The following PTPRK variants were observed in gnomAD, a reference collection of about 807,000 sequenced individuals.
PTPRK encodes receptor-type tyrosine-protein phosphatase kappa.
Under a neutral mutation model 178.0 loss-of-function variants are expected in PTPRK, and 75 were observed. The ratio of observed to expected loss-of-function variants is 0.42; its 90% CI spans 0.35 to 0.51. The LOEUF (loss-of-function observed/expected upper bound fraction) is 0.51. PTPRK is among the 20% of genes least tolerant of loss of function. PTPRK has a pLI of 0.02. For synonymous variants in PTPRK, 637 were observed against 620.6 expected, an observed-to-expected ratio of 1.03 and a Z score of -0.39; for missense variants, 1,441 against 1,797.8, an observed-to-expected ratio of 0.80 and a Z score of 3.59.
At chr6:128,236,630 A>AATT (rs1186495952) in intron 5 of PTPRK, among the ~76,000 whole-genome samples, 2 of 152,138 alleles carry the variant, frequency 1.3e-5, no homozygotes, top group East Asian at 3.9e-4. Context: ...TACAGGCGTG[A>AATT]GCCACTGCGC....
chr6:128,284,580 T>A (rs1822173736), intron 3 of PTPRK, among the ~76,000 whole-genome samples: 1 of 152,234 alleles, frequency 6.6e-6, no homozygotes, highest in Non-Finnish European at 1.5e-5. Flanking sequence ...TCCTAAAGGT[T>A]ATTCTCTGTT....
In PTPRK at chr6:127,989,580, A is replaced by G. The variant is rs137866443; in HGVS notation, c.3096+1189T>C. ...CATGAAAGTTAACTTCTCAAAGGACATAAACATTTTAAAGCTCTGGAGATA... is the reference window on the plus strand; with the variant it reads ...CATGAAAGTTAACTTCTCAAAGGACGTAAACATTTTAAAGCTCTGGAGATA... On this transcript the variant is annotated intron_variant, in intron 21 of 29. Transcript: ENST00000368226. Among the ~76,000 whole-genome samples, 96 of 152,214 alleles carry G rather than the reference A, an allele frequency of 6.3e-4. 1 individual carries two copies. Among genetic ancestry groups the G allele is most frequent in the African/African-American group, 2.2e-3 (91 of 41,582 alleles).
At chr6:128,154,834 A>G (rs1267244305) in intron 7 of PTPRK, among the ~76,000 whole-genome samples, 2 of 151,954 alleles carry the variant, frequency 1.3e-5, no homozygotes, top group East Asian at 1.9e-4. Flanking sequence ...TTTACTTTGG[A>G]AAATATTAAA....
chr6:128,165,315 C>T (rs1799243365), intron 7 of PTPRK, among the ~76,000 whole-genome samples: 1 of 151,252 alleles, frequency 6.6e-6, no homozygotes, highest in South Asian at 2.1e-4. Flanking sequence ...TTTATTTTAT[C>T]CAACCATTAA....
intron 3 of PTPRK, among the ~76,000 whole-genome samples, chr6:128,290,974 T>C (rs1583935422): frequency 6.6e-6 from 1 of 152,176 alleles, no homozygotes; most frequent in African/African-American, 2.4e-5. Flanking sequence ...TAAAAGATAA[T>C]GTAGTAGACA....
intron 2 of PTPRK, among the ~76,000 whole-genome samples, chr6:128,343,811 T>G (rs1832019339): frequency 6.6e-6 from 1 of 152,164 alleles, no homozygotes; most frequent in African/African-American, 2.4e-5. Context: ...GCCAAAGTCC[T>G]TATATCTCCC....
intron 3 of PTPRK, among the ~76,000 whole-genome samples, chr6:128,311,585 G>A (rs1036828395): frequency 1.3e-5 from 2 of 152,096 alleles, no homozygotes; most frequent in Admixed American, 1.3e-4. Context: ...ACCTGAGACT[G>A]CTATCTATGC....
chr6:127,998,928 GA>G (rs749881021), intron 15 of PTPRK, 24 bp from the exon 16 acceptor site: 3 of 1,492,008 alleles, frequency 2.0e-6, no homozygotes, highest in Non-Finnish European at 2.7e-6. Flanking sequence ...GATTTCAGAA[GA>G]TTAAAAAAGA....
Position 128,048,370 on chromosome 6 carries a change from G to A in PTPRK, c.2194+16388C>T, listed in dbSNP as rs118052336. On this transcript the variant is annotated intron_variant, in intron 13 of 29. Coordinates refer to ENST00000368226, the MANE Select transcript of PTPRK (RefSeq NM_002844.4). Reference sequence around the variant, plus strand: ...TTAGAACATTCTAGCTCATCCCCTGGATTTGACCCACCTTCTCTGAGCAGA... The same window carrying A: ...TTAGAACATTCTAGCTCATCCCCTGAATTTGACCCACCTTCTCTGAGCAGA... Among the ~76,000 whole-genome samples, 1,297 of 152,226 alleles carry A rather than the reference G, an allele frequency of 8.5e-3. 14 individuals carry two copies. The highest frequency in any genetic ancestry group is 0.025 in the South Asian group (122 of 4,826).
At position 128,422,676 on chromosome 6, in the gene PTPRK, C is replaced by CAAAAAAAAAA. The variant is rs750423577; in HGVS notation, c.101-24998_101-24989dup. ...AATAGTTTTTAACATTTCACGGACG[C>CAAAAAAAAAA]AAAAAAAAAAAAAAAAAAAAAAAAA... is the stretch of plus-strand genomic sequence containing the variant. On this transcript the variant is annotated intron_variant, in intron 1 of 29. Coordinates refer to ENST00000368226, the MANE Select transcript of PTPRK (RefSeq NM_002844.4). Among the ~76,000 whole-genome samples, 10 of 14,716 alleles carry CAAAAAAAAAA rather than the reference C, an allele frequency of 6.8e-4. 1 individual carries two copies. Among genetic ancestry groups the CAAAAAAAAAA allele is most frequent in the African/African-American group, 1.7e-3 (10 of 6,038 alleles). The allele number at this position is 14,716 out of a possible 152,430, so 9.7% of individuals were successfully genotyped here.
intron 7 of PTPRK, among the ~76,000 whole-genome samples, chr6:128,094,392 C>G (rs999761041): frequency 3.3e-5 from 5 of 152,072 alleles, no homozygotes; most frequent in African/African-American, 1.2e-4. Context: ...CAGGAACACG[C>G]AGGATAGGGG....
chr6:128,394,730 A>G (rs1165597331), intron 2 of PTPRK, among the ~76,000 whole-genome samples: 1 of 152,174 alleles, frequency 6.6e-6, no homozygotes, highest in Non-Finnish European at 1.5e-5. Flanking sequence ...GTAAGTAGGA[A>G]CTGCTACAGA....
intron 1 of PTPRK, among the ~76,000 whole-genome samples, chr6:128,418,087 G>A (rs1277030704): frequency 6.6e-6 from 1 of 152,184 alleles, no homozygotes; most frequent in Non-Finnish European, 1.5e-5. Context: ...AAATTGATAT[G>A]TATTTTTGCC....
intron 5 of PTPRK, among the ~76,000 whole-genome samples, chr6:128,221,493 C>T (rs977166306): frequency 6.7e-6 from 1 of 150,072 alleles, no homozygotes; most frequent in African/African-American, 2.4e-5. Context: ...CACTGCACTC[C>T]AGCCTGGGTG....
Position 127,970,126 on chromosome 6 carries a change from C to A in PTPRK, c.*101G>T, listed in dbSNP as rs867259804. 4 of 836,398 alleles carry A rather than the reference C, an allele frequency of 4.8e-6. No individual in the cohort carries two copies. The highest frequency in any genetic ancestry group is 1.8e-5 in the African/African-American group (1 of 56,724). 51.8% of individuals were successfully genotyped at this position (836,398 alleles called of 1,614,324 possible). ...TCAAATGTAAAAGTCTCCCACCCCC[C>A]ACATTAAAATCTTTCTGCACAAGTG... On this transcript the variant is annotated 3_prime_UTR_variant, in exon 30 of 30. Transcript: ENST00000368226.
intron 18 of PTPRK, among the ~76,000 whole-genome samples, chr6:127,995,015 A>C (rs2114672241): frequency 6.6e-6 from 1 of 152,120 alleles, no homozygotes; most frequent in African/African-American, 2.4e-5. Context: ...GTACATAATA[A>C]ACTGTCAAAG....
At chr6:128,029,672 A>G (rs563322132) in intron 13 of PTPRK, among the ~76,000 whole-genome samples, 192 of 147,670 alleles carry the variant, frequency 1.3e-3, no homozygotes, top group African/African-American at 4.4e-3. Context: ...TAATAATAAT[A>G]ATAATAATAA....
intron 1 of PTPRK, among the ~76,000 whole-genome samples, chr6:128,462,303 T>C (rs1849155734): frequency 6.6e-6 from 1 of 152,240 alleles, no homozygotes; most frequent in East Asian, 1.9e-4. Context: ...AATTTGCTAG[T>C]AAACTGTATT....
At chr6:128,507,143 C>G (rs755947957) in intron 1 of PTPRK, among the ~76,000 whole-genome samples, 2 of 152,144 alleles carry the variant, frequency 1.3e-5, no homozygotes, top group African/African-American at 2.4e-5. Flanking sequence ...TGTCCGCACT[C>G]TTAAACACTA....
Sources: allele counts gnomAD v4.1 joint callset (sites outside exome capture counted in the v4.1 genomes callset), GRCh38; gene constraint gnomAD v4.1.1; transcripts MANE v1.5; gene names NCBI Gene and HGNC (gene_info 2026-07-23, HGNC 2026-07-21).